The following ERBB4 variants were observed in gnomAD, a reference collection of about 807,000 sequenced individuals.
ERBB4 encodes receptor tyrosine-protein kinase erbB-4.
ERBB4 carries 42 observed loss-of-function variants against 158.0 expected under a neutral mutation model. The observed-to-expected ratio is 0.27, with a 90% CI of 0.21 to 0.34. ERBB4 has a LOEUF of 0.34. Among genes scored for constraint, ERBB4 ranks in the 10% least tolerant of loss-of-function variants. ERBB4 has a pLI of 1.00. For missense variants in ERBB4, 1,333 were observed against 1,624.1 expected (o/e 0.82, Z 3.08); for synonymous variants, 583 against 558.7 (o/e 1.04, Z -0.61).
intron 2 of ERBB4, among the ~76,000 whole-genome samples, chr2:212,001,011 A>C (rs936114021): frequency 1.9e-4 from 29 of 152,052 alleles, no homozygotes; most frequent in African/African-American, 7.0e-4. Flanking sequence ...TGTTACAAAC[A>C]CTTAGAACTC....
intron 16 of ERBB4, among the ~76,000 whole-genome samples, chr2:211,650,029 G>T (rs1193351447): frequency 1.3e-5 from 2 of 151,734 alleles, no homozygotes; most frequent in Non-Finnish European, 2.9e-5. Context: ...AAAAAGGCAT[G>T]AAGAGAGCAA....
At chr2:212,297,222 T>A (rs896844314) in intron 1 of ERBB4, among the ~76,000 whole-genome samples, 2 of 152,010 alleles carry the variant, frequency 1.3e-5, no homozygotes, top group African/African-American at 2.4e-5. Flanking sequence ...CAATACATAA[T>A]CCACTTTAGA....
At chr2:212,249,066 T>G (rs2084420284) in intron 1 of ERBB4, among the ~76,000 whole-genome samples, 1 of 152,062 alleles carries the variant, frequency 6.6e-6, no homozygotes, top group Non-Finnish European at 1.5e-5. Context: ...TTGGGGTTAT[T>G]TTAACAGGAA....
chr2:211,898,540 T>C (rs565141462), intron 3 of ERBB4, among the ~76,000 whole-genome samples: 1 of 152,304 alleles, frequency 6.6e-6, no homozygotes, highest in South Asian at 2.1e-4. Flanking sequence ...TTGACGTCTA[T>C]TCAAAAACCA....
intron 20 of ERBB4, among the ~76,000 whole-genome samples, chr2:211,450,148 C>T (rs917940050): frequency 6.6e-6 from 1 of 152,100 alleles, no homozygotes; most frequent in Non-Finnish European, 1.5e-5. Context: ...ATGTGCAGAA[C>T]TGGGATTAGA....
At chr2:211,900,271 T>G (rs768520017) in intron 3 of ERBB4, among the ~76,000 whole-genome samples, 8 of 152,220 alleles carry the variant, frequency 5.3e-5, no homozygotes, top group Non-Finnish European at 1.0e-4. Flanking sequence ...TCTGAGCGTA[T>G]CAACACAGAG....
chr2:212,324,457 G>C (rs4673658), intron 1 of ERBB4, among the ~76,000 whole-genome samples: 89,050 of 139,874 alleles, frequency 0.64, 29,546 homozygotes, highest in East Asian at 0.74. Flanking sequence ...ACCATGAACA[G>C]CTTAGGAGCA....
At chr2:212,247,419 C>G (rs1330021878) in intron 1 of ERBB4, among the ~76,000 whole-genome samples, 1 of 151,988 alleles carries the variant, frequency 6.6e-6, no homozygotes, top group African/African-American at 2.4e-5. Flanking sequence ...TAAAGTTTTC[C>G]CCCTGATATT....
Position 212,003,206 on chromosome 2 carries a change from AC to A in ERBB4, c.235-55591del, listed in dbSNP as rs1559293967. Among the ~76,000 whole-genome samples the A allele has an allele frequency of 9.3e-3, 436 of 46,894 alleles. 19 individuals carry two copies. The highest frequency in any genetic ancestry group is 0.015 in the Non-Finnish European group (256 of 16,724). The allele number at this position is 46,894 out of a possible 152,430, so 30.8% of individuals were successfully genotyped here. ...GAAAGAAAGAAAGAAAGAAAGAAAG[AC>A]AGAAAGAAGGAAGGAAGGAAGGAAG... On this transcript the variant is annotated intron_variant, in intron 2 of 27. Transcript: ENST00000342788.
In ERBB4 at chr2:211,379,469, A is replaced by G. The variant is rs1158963272; in HGVS notation, c.*4146T>C. ...CAAGTTTTCCCAAGTGGAACCATATATGCCTACTTTCAGCTAAACCCAACA... is the reference window on the plus strand; with the variant it reads ...CAAGTTTTCCCAAGTGGAACCATATGTGCCTACTTTCAGCTAAACCCAACA... On this transcript the variant is annotated 3_prime_UTR_variant, in exon 28 of 28. Coordinates refer to ENST00000342788, the MANE Select transcript of ERBB4 (RefSeq NM_005235.3). The G allele has an allele frequency of 4.3e-6, 1 of 230,346 alleles. No homozygotes were observed. Among genetic ancestry groups the G allele is most frequent in the African/African-American group, 2.2e-5 (1 of 45,198 alleles). The allele number at this position is 230,346 out of a possible 1,614,324, so 14.3% of individuals were successfully genotyped here.
chr2:212,534,291 A>G (rs1692919382), intron 1 of ERBB4, among the ~76,000 whole-genome samples: 1 of 152,212 alleles, frequency 6.6e-6, no homozygotes, highest in Non-Finnish European at 1.5e-5. Flanking sequence ...CAAGCTTCCA[A>G]GAGTACTTAG....
chr2:211,400,200 G>A (rs923518422), intron 25 of ERBB4, among the ~76,000 whole-genome samples: 1 of 152,012 alleles, frequency 6.6e-6, no homozygotes, highest in African/African-American at 2.4e-5. Flanking sequence ...CTGTAAAATG[G>A]GGATAATAAT....
At chr2:211,941,243 A>G (rs1440017974) in intron 3 of ERBB4, among the ~76,000 whole-genome samples, 2 of 149,456 alleles carry the variant, frequency 1.3e-5, no homozygotes, top group African/African-American at 5.1e-5. Flanking sequence ...CCCTTAAGCT[A>G]AGAGTACTCT....
intron 20 of ERBB4, among the ~76,000 whole-genome samples, chr2:211,547,926 A>T (rs891775133): frequency 6.6e-6 from 1 of 152,130 alleles, no homozygotes; most frequent in Non-Finnish European, 1.5e-5. Context: ...CATGCCAAAC[A>T]AAGCCACAGG....
intron 1 of ERBB4, among the ~76,000 whole-genome samples, chr2:212,277,628 A>G (rs2085592493): frequency 6.6e-6 from 1 of 151,718 alleles, no homozygotes; most frequent in African/African-American, 2.4e-5. Flanking sequence ...GAAGACCACA[A>G]AGTGTCCCCT....
In ERBB4 at chr2:211,850,328, TTATTCATATACA is replaced by T. The variant is rs1462934964; in HGVS notation, c.422-62181_422-62170del. Among the ~76,000 whole-genome samples the T allele has an allele frequency of 1.1e-4, 17 of 151,874 alleles. 1 individual carries two copies. Among genetic ancestry groups the T allele is most frequent in the Admixed American group, 8.6e-4 (13 of 15,162 alleles). ...CTCTAAGAAGCAGTATATATGCCTTTTATTCATATACATATTCATATACATATTCAACATATA... is the reference window on the plus strand; with the variant it reads ...CTCTAAGAAGCAGTATATATGCCTTTTATTCATATACATATTCAACATATA... On this transcript the variant is annotated intron_variant, in intron 3 of 27. Coordinates refer to ENST00000342788, the MANE Select transcript of ERBB4 (RefSeq NM_005235.3).
intron 14 of ERBB4, among the ~76,000 whole-genome samples, chr2:211,669,274 T>A (rs1032127268): frequency 1.3e-5 from 2 of 150,066 alleles, no homozygotes; most frequent in African/African-American, 4.9e-5. Flanking sequence ...CTATGTACTT[T>A]ACATGAAAAA....
chr2:212,125,257 G>T, intron 1 of ERBB4: 2 of 197,120 alleles, frequency 1.0e-5, no homozygotes, highest in Non-Finnish European at 2.1e-5. Context: ...TTTTCTAATT[G>T]GGTAATTCTA....
At chr2:211,498,040 C>A (rs2065516975) in intron 20 of ERBB4, among the ~76,000 whole-genome samples, 1 of 152,070 alleles carries the variant, frequency 6.6e-6, no homozygotes, top group South Asian at 2.1e-4. Flanking sequence ...CACCAAGAGA[C>A]CTGCATGTTT....
Sources: allele counts gnomAD v4.1 joint callset (sites outside exome capture counted in the v4.1 genomes callset), GRCh38; gene constraint gnomAD v4.1.1; transcripts MANE v1.5; gene names NCBI Gene and HGNC (gene_info 2026-07-23, HGNC 2026-07-21).